The following MARCHF8 variants were observed in gnomAD, a reference collection of about 807,000 sequenced individuals.
MARCHF8 encodes the protein E3 ubiquitin-protein ligase MARCHF8.
MARCHF8 carries 40 observed loss-of-function variants against 51.6 expected under a neutral mutation model. The ratio of observed to expected loss-of-function variants is 0.77; its 90% CI spans 0.60 to 1.01. The LOEUF (loss-of-function observed/expected upper bound fraction) is 1.01, where lower values mean the gene tolerates loss of function less well. Ranked by LOEUF, MARCHF8 falls within the 50% of genes least tolerant of loss-of-function variation. MARCHF8 has a pLI of 0.00. For missense variants in MARCHF8, 685 were observed against 708.6 expected (o/e 0.97, Z 0.38); for synonymous variants, 263 against 280.3 (o/e 0.94, Z 0.62).
intron 2 of MARCHF8, among the ~76,000 whole-genome samples, chr10:45,514,732 A>C (rs1056064102): frequency 6.6e-6 from 1 of 152,174 alleles, no homozygotes; most frequent in East Asian, 1.9e-4. Context: ...AATGACAGTA[A>C]ATGTTACAGG....
chr10:45,488,594 C>T (rs1195613687), intron 3 of MARCHF8, among the ~76,000 whole-genome samples: 5 of 152,168 alleles, frequency 3.3e-5, no homozygotes, highest in East Asian at 1.9e-4. Context: ...CTGCTCCGGC[C>T]GACTGCTCCT....
intron 3 of MARCHF8, among the ~76,000 whole-genome samples, chr10:45,468,954 C>A (rs1843064067): frequency 6.6e-6 from 1 of 152,066 alleles, no homozygotes; most frequent in Admixed American, 6.5e-5. Flanking sequence ...TTTGTCTCAG[C>A]AATTCTTTTA....
chr10:45,574,505 G>A (rs897042578), intron 1 of MARCHF8, among the ~76,000 whole-genome samples: 20 of 151,778 alleles, frequency 1.3e-4, no homozygotes, highest in African/African-American at 3.9e-4. Context: ...GCCTCTCTTC[G>A]CTTTCACTTG....
intron 2 of MARCHF8, among the ~76,000 whole-genome samples, chr10:45,501,548 A>T (rs1005458389): frequency 7.9e-5 from 12 of 151,146 alleles, no homozygotes; most frequent in African/African-American, 2.7e-4. Flanking sequence ...AAAACATTTT[A>T]AAAAATAGGA....
At chr10:45,515,666 T>C (rs1282835152) in intron 2 of MARCHF8, among the ~76,000 whole-genome samples, 1 of 152,222 alleles carries the variant, frequency 6.6e-6, no homozygotes, top group Non-Finnish European at 1.5e-5. Flanking sequence ...CCTTTCACTG[T>C]CCGGACATGT....
intron 2 of MARCHF8, among the ~76,000 whole-genome samples, chr10:45,506,356 G>A (rs142891504): frequency 7.9e-5 from 12 of 152,266 alleles, no homozygotes; most frequent in African/African-American, 1.4e-4. Flanking sequence ...ATTTGGGTAC[G>A]TCATTCATAA....
In MARCHF8 at chr10:45,458,485, T is replaced by C. The variant is rs764974279; in HGVS notation, c.1476A>G (p.Gly492=). The C allele has an allele frequency of 3.8e-5, 62 of 1,612,552 alleles. No homozygotes were observed. Among genetic ancestry groups the C allele is most frequent in the Non-Finnish European group, 4.9e-5 (58 of 1,179,588 alleles). Residue 492 remains glycine (G), a synonymous_variant, in exon 8 of 8, where the codon GGA becomes GGG. Coordinates refer to ENST00000453424, the MANE Select transcript of MARCHF8 (RefSeq NM_001282866.2). ...ACTGAACATACATAAAAAGAAGTCC[T>C]CCGGTGAAGCCGATGGCCACAACCA... is the stretch of plus-strand genomic sequence containing the variant. ...KLVVVAIGFT[G]GLLFMYVQCK...
intron 2 of MARCHF8, among the ~76,000 whole-genome samples, chr10:45,527,958 C>G (rs1012277746): frequency 2.0e-5 from 3 of 152,116 alleles, no homozygotes; most frequent in Admixed American, 6.6e-5. Context: ...ATACAAAAAT[C>G]AATAAATGTG....
chr10:45,461,480 A>C, intron 5 of MARCHF8, 69 bp from the exon 6 acceptor site: 1 of 1,343,496 alleles, frequency 7.4e-7, no homozygotes, highest in Non-Finnish European at 9.8e-7. Context: ...CTTCAGTGGC[A>C]GGTTAATCCC....
chr10:45,567,217 A>G (rs1413701756), intron 1 of MARCHF8, among the ~76,000 whole-genome samples: 2 of 152,078 alleles, frequency 1.3e-5, no homozygotes, highest in Admixed American at 6.5e-5. Context: ...ATTTTCTCCC[A>G]TTCTGTACGT....
At chr10:45,563,157 G>A (rs1055971834) in intron 1 of MARCHF8, among the ~76,000 whole-genome samples, 2 of 152,088 alleles carry the variant, frequency 1.3e-5, no homozygotes, top group Non-Finnish European at 2.9e-5. Context: ...TTTCGGGGTA[G>A]CTGGGACTAC....
At chr10:45,494,997 G>A (rs1210416952) in intron 2 of MARCHF8, among the ~76,000 whole-genome samples, 2 of 152,088 alleles carry the variant, frequency 1.3e-5, no homozygotes, top group East Asian at 3.9e-4. Context: ...GCACATGCCT[G>A]TAATGCCAGC....
Position 45,512,815 on chromosome 10 carries a change from G to A in MARCHF8, c.102+20295C>T, listed in dbSNP as rs560694607. Among the ~76,000 whole-genome samples the A allele has an allele frequency of 1.6e-3, 236 of 152,210 alleles. 1 individual carries two copies. The highest frequency in any genetic ancestry group is 5.0e-3 in the African/African-American group (208 of 41,468). ...AAGGTGGGGAAAAGATTGGGAAATC[G>A]GATGGTTGCCGTGTCTGTGTAGAAA... On this transcript the variant is annotated intron_variant, in intron 2 of 7. Transcript: ENST00000453424.
chr10:45,532,195 C>T (rs1430893933), intron 2 of MARCHF8, among the ~76,000 whole-genome samples: 3 of 152,306 alleles, frequency 2.0e-5, no homozygotes, highest in African/African-American at 4.8e-5. Flanking sequence ...TTGATTAATG[C>T]TATTTATTTA....
At chr10:45,540,151 C>A (rs2044030200), upstream of MARCHF8, among the ~76,000 whole-genome samples, 1 of 152,170 alleles carries the variant, frequency 6.6e-6, no homozygotes, top group Non-Finnish European at 1.5e-5. Context: ...TCAATGCCAT[C>A]CCCCCATCAA....
intron 1 of MARCHF8, among the ~76,000 whole-genome samples, chr10:45,558,801 A>G (rs1460415226): frequency 6.6e-6 from 1 of 152,230 alleles, no homozygotes; most frequent in Non-Finnish European, 1.5e-5. Context: ...GGTACAAAGG[A>G]TCTTTCACCT....
intron 1 of MARCHF8, among the ~76,000 whole-genome samples, chr10:45,561,900 C>CAAA (rs34329041): frequency 4.8e-4 from 20 of 41,352 alleles, no homozygotes; most frequent in African/African-American, 9.0e-4. Flanking sequence ...GACTCCGTCT[C>CAAA]AAAAAAAAAA....
chr10:45,488,546 C>T (rs2043025847), intron 3 of MARCHF8, among the ~76,000 whole-genome samples: 1 of 152,184 alleles, frequency 6.6e-6, no homozygotes, highest in African/African-American at 2.4e-5. Flanking sequence ...AAACAGCAAA[C>T]CGTTCATCAT....
At chr10:45,564,708 C>A (rs73289214) in intron 1 of MARCHF8, among the ~76,000 whole-genome samples, 3,760 of 151,378 alleles carry the variant, frequency 0.025, 159 homozygotes, top group African/African-American at 0.085. Context: ...CTGCTGAAAA[C>A]CAAAAGGAGA....
Sources: allele counts gnomAD v4.1 joint callset (sites outside exome capture counted in the v4.1 genomes callset), GRCh38; gene constraint gnomAD v4.1.1; transcripts MANE v1.5; gene names NCBI Gene and HGNC (gene_info 2026-07-23, HGNC 2026-07-21).